The following FXR1 variants were observed in gnomAD, a reference collection of about 807,000 sequenced individuals.
FXR1 encodes the protein FMR1 autosomal homolog 1, also known as RNA-binding protein FXR1.
FXR1 carries 15 observed loss-of-function variants against 84.0 expected under a neutral mutation model. The observed-to-expected ratio is 0.18, with a 90% CI of 0.12 to 0.27. The LOEUF (loss-of-function observed/expected upper bound fraction) is 0.27. Among genes scored for constraint, FXR1 ranks in the 10% least tolerant of loss-of-function variants. FXR1 has a pLI of 1.00. For synonymous variants in FXR1, 245 were observed against 250.7 expected (o/e 0.98, Z 0.21); for missense variants, 480 against 774.4 (o/e 0.62, Z 4.51).
chr3:180,940,583 T>TTGTTTTG (rs1240186199), intron 3 of FXR1, among the ~76,000 whole-genome samples: 1 of 150,046 alleles, frequency 6.7e-6, no homozygotes, highest in Non-Finnish European at 1.5e-5. Context: ...TTTTTCTGTT[T>TTGTTTTG]TCTTTTTTTT....
chr3:180,921,372 T>TAAA (rs71182558), intron 1 of FXR1, among the ~76,000 whole-genome samples: 2 of 131,098 alleles, frequency 1.5e-5, no homozygotes, highest in South Asian at 2.4e-4. Context: ...AAACTCCATC[T>TAAA]AAAAAAAAAA....
intron 2 of FXR1, among the ~76,000 whole-genome samples, chr3:180,933,961 A>C (rs1720235315): frequency 6.8e-6 from 1 of 148,020 alleles, no homozygotes. Flanking sequence ...AAATACAAAA[A>C]AATTAGCTAG....
intron 1 of FXR1, among the ~76,000 whole-genome samples, chr3:180,921,140 C>T (rs1042252118): frequency 2.0e-5 from 3 of 152,030 alleles, no homozygotes; most frequent in South Asian, 2.1e-4. Flanking sequence ...GAGGCTGAGG[C>T]GGGTGGATCA....
In FXR1 at chr3:180,982,583, G is replaced by A. The variant is rs967896314; in HGVS notation, c.*6291G>A. 2 of 152,102 alleles carry A rather than the reference G, an allele frequency of 1.3e-5. No homozygotes were observed. The highest frequency in any genetic ancestry group is 2.9e-5 in the Non-Finnish European group (2 of 68,000). The allele number at this position is 152,102 out of a possible 1,614,324, so 9.4% of individuals were successfully genotyped here. A position where few individuals can be genotyped will look rare whatever the true frequency, so the allele number is the denominator to read the frequency against. On this transcript the variant is annotated 3_prime_UTR_variant, in exon 17 of 17. Transcript: ENST00000357559. ...CCTCAAAAGTATTTATACCTATTAA[G>A]TTAAATTTCCCTTTTTAGAGTTAAT...
rs954162361 is a variant in FXR1, at chr3:180,935,024, T to C, written c.105-114T>C. 19 of 572,392 alleles carry C rather than the reference T, an allele frequency of 3.3e-5. No homozygotes were observed. The African/African-American group carries it at 3.6e-4, about 11-fold the overall frequency. The allele number at this position is 572,392 out of a possible 1,614,324, so 35.5% of individuals were successfully genotyped here. ...GGGAAATTATTAATAGTATGAATGT[T>C]GTTTTCCTTCTCTTTAGGGAAAGCT... On this transcript the variant is annotated intron_variant, in intron 2 of 16. Transcript: ENST00000357559.
rs1160309896 is a variant in FXR1, at chr3:180,981,200, A to G, written c.*4908A>G. On this transcript the variant is annotated 3_prime_UTR_variant, in exon 17 of 17. Transcript: ENST00000357559. ...AAAACCCCTCTAACCCTTTAAATGA[A>G]GCATTATGCCTGCGTGAAATTTTAT... The G allele has an allele frequency of 6.6e-6, 1 of 151,928 alleles. No individual in the cohort carries two copies. Among genetic ancestry groups the G allele is most frequent in the Non-Finnish European group, 1.5e-5 (1 of 67,930 alleles). 9.4% of individuals were successfully genotyped at this position (151,928 alleles called of 1,614,324 possible). A position where few individuals can be genotyped will look rare whatever the true frequency, so the allele number is the denominator to read the frequency against.
chr3:180,915,018 A>C (rs1458292955), intron 1 of FXR1: 1 of 660,604 alleles, frequency 1.5e-6, no homozygotes, highest in African/African-American at 2.0e-5. Flanking sequence ...CCTTACCATT[A>C]TCTAACAATG....
intron 1 of FXR1, among the ~76,000 whole-genome samples, chr3:180,922,482 T>C (rs1462047354): frequency 6.6e-6 from 1 of 152,226 alleles, no homozygotes; most frequent in Admixed American, 6.5e-5. Context: ...TTTCTAAGAA[T>C]TGCCTGTCTT....
At chr3:180,913,105 T>A (rs898048917) in intron 1 of FXR1, among the ~76,000 whole-genome samples, 1 of 151,772 alleles carries the variant, frequency 6.6e-6, no homozygotes, top group African/African-American at 2.4e-5. Context: ...GGCGGTGGGA[T>A]TGTGTGGTCT....
At chr3:180,975,494 C>G (rs569953337) in intron 16 of FXR1, 90 bp downstream of exon 16, 1 of 519,650 alleles carries the variant, frequency 1.9e-6, no homozygotes, top group African/African-American at 2.0e-5. Context: ...TGTGTGATCA[C>G]TTGTTTCCAC....
At chr3:180,961,623 C>A in intron 11 of FXR1, 69 bp downstream of exon 11, 2 of 707,810 alleles carry the variant, frequency 2.8e-6, no homozygotes, top group East Asian at 2.6e-5. Flanking sequence ...TGTACATTTG[C>A]TACAAATTTA....
chr3:180,930,419 T>A lies in FXR1; in HGVS notation c.52-2915T>A, dbSNP rs147141978. Among the ~76,000 whole-genome samples, 8 of 151,554 alleles carry A rather than the reference T, an allele frequency of 5.3e-5. No individual in the cohort carries two copies. The East Asian group carries it at 1.6e-3, about 30-fold the overall frequency. On this transcript the variant is annotated intron_variant, in intron 1 of 16. Coordinates refer to ENST00000357559, the MANE Select transcript of FXR1 (RefSeq NM_005087.4). ...AAAAGGTTTTTATTACAAAGGAGAG[T>A]GAGAGATTATTATAAAGGTGAGAAA...
At chr3:180,932,075 C>CAGAAAAAA (rs1553842549) in intron 1 of FXR1, among the ~76,000 whole-genome samples, 16 of 79,132 alleles carry the variant, frequency 2.0e-4, no homozygotes, top group Admixed American at 5.6e-4. Context: ...TTGTAAGTTT[C>CAGAAAAAA]AAAAAAAAAA....
intron 1 of FXR1, among the ~76,000 whole-genome samples, chr3:180,931,378 C>T (rs1576916060): frequency 6.6e-6 from 1 of 152,104 alleles, no homozygotes; most frequent in African/African-American, 2.4e-5. Flanking sequence ...GCTACCACAT[C>T]TGGCTAATTT....
At chr3:180,944,208 C>T (rs990555764) in intron 3 of FXR1, among the ~76,000 whole-genome samples, 16 of 152,180 alleles carry the variant, frequency 1.1e-4, no homozygotes, top group East Asian at 1.9e-4. Context: ...CCACCGCGCC[C>T]GGCCTAGAAT....
rs1269386225 is a variant in FXR1 at position 180,933,344 on chromosome 3, A to G, written c.62A>G (p.Lys21Arg). ...TTTTGTGTCTTGCAGGGATTTATCA[A>G]AGATGTTCATGAAGACTCCCTTACA... is the stretch of plus-strand genomic sequence containing the variant. ...SNGAFYKGFI[K>R]DVHEDSLTVV... Residue 21 changes from lysine to arginine, a missense_variant, in exon 2 of 17, where the codon AAA becomes AGA. Physicochemically the swap from Lys to Arg is conservative, Grantham distance 26. This residue lies in a region of FXR1 where 54 missense variants were observed against 74.2 expected (regional missense o/e 0.73). Coordinates refer to ENST00000357559, the MANE Select transcript of FXR1 (RefSeq NM_005087.4). 2 of 1,564,012 alleles carry G rather than the reference A, an allele frequency of 1.3e-6. No individual in the cohort carries two copies. Among genetic ancestry groups the G allele is most frequent in the Non-Finnish European group, 8.8e-7 (1 of 1,134,786 alleles).
intron 3 of FXR1, among the ~76,000 whole-genome samples, chr3:180,937,608 T>G (rs574150108): frequency 1.3e-5 from 2 of 152,242 alleles, no homozygotes; most frequent in South Asian, 4.2e-4. Context: ...AAAATGTGAT[T>G]TTTTTTCACT....
intron 1 of FXR1, among the ~76,000 whole-genome samples, chr3:180,922,323 A>G (rs1718688080): frequency 6.6e-6 from 1 of 152,186 alleles, no homozygotes; most frequent in Admixed American, 6.5e-5. Context: ...CTGGGCCAGA[A>G]GTTGGCTTTA....
At chr3:180,925,391 T>G (rs1264728583) in intron 1 of FXR1, among the ~76,000 whole-genome samples, 3 of 151,970 alleles carry the variant, frequency 2.0e-5, no homozygotes, top group Non-Finnish European at 2.9e-5. Flanking sequence ...TCCTCTGTTG[T>G]CTCCAGGATT....
Sources: gnomAD v4.1 joint callset for allele counts (sites outside exome capture counted in the v4.1 genomes callset) on GRCh38, gnomAD v4.1.1 for gene constraint, gnomAD v4.1.1 regional missense constraint, MANE v1.5 for transcripts, NCBI Gene and HGNC (gene_info 2026-07-23, HGNC 2026-07-21) for gene names.